The following EPS8 variants were observed in gnomAD, a reference collection of about 807,000 sequenced individuals.
EPS8 encodes EGFR pathway substrate 8, signaling adaptor, also known as epidermal growth factor receptor kinase substrate 8.
Under a neutral mutation model 103.8 loss-of-function variants are expected in EPS8, and 42 were observed. The observed-to-expected ratio is 0.40, with a 90% CI of 0.32 to 0.52. EPS8 has a LOEUF of 0.52. EPS8 is among the 20% of genes least tolerant of loss of function. The pLI is 0.40. For missense variants in EPS8, 969 were observed against 1,005.1 expected (o/e 0.96, Z 0.49); for synonymous variants, 344 against 344.6 (o/e 1.00, Z 0.02).
intron 3 of EPS8, 94 bp from the exon 4 acceptor site, chr12:15,671,017 T>C (rs1945806869): frequency 1.2e-6 from 1 of 835,474 alleles, no homozygotes; most frequent in Non-Finnish European, 2.0e-6. Flanking sequence ...CTAGTCTATC[T>C]CACATATAAA....
At position 15,665,809 on chromosome 12, in the gene EPS8, T is replaced by G. The variant is rs755206692; in HGVS notation, c.683A>C (p.Asp228Ala). 9 of 1,613,654 alleles carry G rather than the reference T, an allele frequency of 5.6e-6. No homozygotes were observed. In the South Asian group the frequency reaches 9.9e-5, roughly 18 times the overall value. The change falls in exon 8 of 21, where the codon GAT becomes GCT. Residue 228 changes from aspartate to alanine, a missense_variant. Transcript: ENST00000281172. ...CCAGGCTGCCACTCGACTTCTAACA[T>G]CCACCTGGGTGACGGTCCCAGGGGG... is the stretch of plus-strand genomic sequence containing the variant. ...PAPPGTVTQV[D>A]VRSRVAAWSA...
chr12:15,687,877 A>G lies in EPS8; in HGVS notation c.-21-4905T>C, dbSNP rs554315631. Among the ~76,000 whole-genome samples the G allele has an allele frequency of 2.6e-3, 396 of 152,338 alleles. 3 individuals are homozygous for G. The highest frequency in any genetic ancestry group is 9.2e-3 in the African/African-American group (383 of 41,582). On this transcript the variant is annotated intron_variant, in intron 1 of 20. Transcript: ENST00000281172. ...TTTTACTGACTTGGGAAACTATGCTAATTTTAAAAAGAATCACTTCTATTT... is the reference window on the plus strand; with the variant it reads ...TTTTACTGACTTGGGAAACTATGCTGATTTTAAAAAGAATCACTTCTATTT...
At chr12:15,635,237 G>A (rs1945114282) in intron 17 of EPS8, among the ~76,000 whole-genome samples, 1 of 152,032 alleles carries the variant, frequency 6.6e-6, no homozygotes, top group Admixed American at 6.6e-5. Flanking sequence ...TTATGTACAT[G>A]TGCATGTCAG....
At position 15,621,274 on chromosome 12, in the gene EPS8, G is replaced by A; in HGVS notation, c.*43C>T. Reference sequence around the variant, plus strand: ...AGGCTTCTTAAAACAAAGCATGTTGGAATAATGCCAAAAACAATGGAGTTT... The same window carrying A: ...AGGCTTCTTAAAACAAAGCATGTTGAAATAATGCCAAAAACAATGGAGTTT... On this transcript the variant is annotated 3_prime_UTR_variant, in exon 21 of 21. Transcript: ENST00000281172. 9.7e-7 allele frequency: 1 copy of A among 1,031,724 alleles called. No individual in the cohort carries two copies. Among genetic ancestry groups the A allele is most frequent in the Non-Finnish European group, 1.4e-6 (1 of 697,254 alleles). The allele number at this position is 1,031,724 out of a possible 1,614,324, so 63.9% of individuals were successfully genotyped here.
chr12:15,737,177 A>T (rs1243383495), intron 1 of EPS8, among the ~76,000 whole-genome samples: 2 of 152,108 alleles, frequency 1.3e-5, no homozygotes, highest in Non-Finnish European at 2.9e-5. Flanking sequence ...AAATACCACC[A>T]TAAATATCAA....
At chr12:15,662,452 T>A (rs1445923693) in intron 8 of EPS8, 1 of 1,008,630 alleles carries the variant, frequency 9.9e-7, no homozygotes, top group Non-Finnish European at 1.2e-6. Flanking sequence ...AGTCAAGCTT[T>A]TACTTCTCAA....
At position 15,701,123 on chromosome 12, in the gene EPS8, T is replaced by C. The variant is rs188615860; in HGVS notation, c.-21-18151A>G. ...TCTTTGGCTTCAAAATAGTCACTTT[T>C]TTAAAAGGTAATTCTTTTCTCTCTC... On this transcript the variant is annotated intron_variant, in intron 1 of 20. Coordinates refer to ENST00000281172, the MANE Select transcript of EPS8 (RefSeq NM_004447.6). This position sits in a 1 kb window ranked among gnomAD's most constrained non-coding sequence, Gnocchi z 5.1. Among the ~76,000 whole-genome samples the C allele has an allele frequency of 6.6e-6, 1 of 152,232 alleles. No homozygotes were observed. Among genetic ancestry groups the C allele is most frequent in the Admixed American group, 6.5e-5 (1 of 15,288 alleles).
At chr12:15,653,467 G>C (rs1276697913) in intron 13 of EPS8, among the ~76,000 whole-genome samples, 1 of 151,946 alleles carries the variant, frequency 6.6e-6, no homozygotes, top group Non-Finnish European at 1.5e-5. Flanking sequence ...TCTGCTACCC[G>C]AAGTCCATAT....
chr12:15,739,372 C>G (rs944810289), intron 1 of EPS8, among the ~76,000 whole-genome samples: 4 of 152,154 alleles, frequency 2.6e-5, no homozygotes, highest in African/African-American at 9.7e-5. Context: ...GCTGGTAAAA[C>G]ATTACTTCTG....
Position 15,780,904 on chromosome 12 carries a change from T to C in EPS8, c.-22+8257A>G, listed in dbSNP as rs1334571457. ...CCTTTTAAGTATTTATGTAAAAATA[T>C]GATAATAAGTGCTAATTTCATTCAG... On this transcript the variant is annotated intron_variant, in intron 1 of 20. Transcript: ENST00000281172. This position sits in a 1 kb window ranked among gnomAD's most constrained non-coding sequence, Gnocchi z 4.1. Among the ~76,000 whole-genome samples the C allele has an allele frequency of 2.0e-5, 3 of 152,210 alleles. No homozygotes were observed. The highest frequency in any genetic ancestry group is 2.9e-5 in the Non-Finnish European group (2 of 68,042).
Position 15,703,859 on chromosome 12 carries a change from T to G in EPS8, c.-21-20887A>C, listed in dbSNP as rs1421082937. 4.1e-5 allele frequency among the ~76,000 whole-genome samples: 6 copies of G among 146,348 alleles called. No homozygotes were observed. The South Asian group carries it at 6.5e-4, about 16-fold the overall frequency. On this transcript the variant is annotated intron_variant, in intron 1 of 20. Coordinates refer to ENST00000281172, the MANE Select transcript of EPS8 (RefSeq NM_004447.6). ...GCTCTATGTATTTGTTTTTTTTTTTTTTTTTTTTTTTGGAAAAACTTAGAC... is the reference window on the plus strand; with the variant it reads ...GCTCTATGTATTTGTTTTTTTTTTTGTTTTTTTTTTTGGAAAAACTTAGAC...
intron 3 of EPS8, 116 bp downstream of exon 3, chr12:15,681,110 T>C (rs1227827005): frequency 4.8e-6 from 2 of 417,126 alleles, no homozygotes; most frequent in East Asian, 4.0e-5. Flanking sequence ...TATTTAGCTA[T>C]CACTGCCTCA....
rs1945977939 is a variant in EPS8 at position 15,680,063 on chromosome 12, T to C, written c.136+1163A>G. On this transcript the variant is annotated intron_variant, in intron 3 of 20. Coordinates refer to ENST00000281172, the MANE Select transcript of EPS8 (RefSeq NM_004447.6). ...TCTACAATTCATAACTATTAGACCATGGTAATAATGTCACAATACTTAATA... is the reference window on the plus strand; with the variant it reads ...TCTACAATTCATAACTATTAGACCACGGTAATAATGTCACAATACTTAATA... 2.0e-5 allele frequency among the ~76,000 whole-genome samples: 3 copies of C among 152,318 alleles called. No homozygotes were observed. The South Asian group carries it at 6.2e-4, about 32-fold the overall frequency.
At chr12:15,712,849 C>T (rs1946484824) in intron 1 of EPS8, 2 of 984,724 alleles carry the variant, frequency 2.0e-6, no homozygotes, top group Middle Eastern at 5.2e-4. Context: ...TCAAACTTAC[C>T]TACCCACACA....
intron 18 of EPS8, among the ~76,000 whole-genome samples, chr12:15,631,061 C>T (rs1197614844): frequency 1.3e-5 from 2 of 152,158 alleles, no homozygotes; most frequent in African/African-American, 4.8e-5. Flanking sequence ...CACACTTATC[C>T]TATGAAGCAG....
chr12:15,626,627 CAA>C (rs771173535), intron 18 of EPS8, among the ~76,000 whole-genome samples: 6,688 of 61,046 alleles, frequency 0.11, 246 homozygotes, highest in African/African-American at 0.2. Flanking sequence ...GACTCCGTCT[CAA>C]AAAAAAAAAA....
chr12:15,753,793 C>T (rs1202350918), intron 1 of EPS8, among the ~76,000 whole-genome samples: 3 of 152,138 alleles, frequency 2.0e-5, no homozygotes, highest in Non-Finnish European at 2.9e-5. Flanking sequence ...TAAATAAATT[C>T]CACTCCTGAA....
At chr12:15,678,407 C>T (rs1945946098) in intron 3 of EPS8, among the ~76,000 whole-genome samples, 1 of 152,058 alleles carries the variant, frequency 6.6e-6, no homozygotes, top group Admixed American at 6.6e-5. Flanking sequence ...TACTTCTAAG[C>T]CCAATCCATT....
Position 15,688,081 on chromosome 12 carries a change from A to T in EPS8, c.-21-5109T>A, listed in dbSNP as rs182264980. 9.8e-5 allele frequency among the ~76,000 whole-genome samples: 15 copies of T among 152,352 alleles called. No homozygotes were observed. Among genetic ancestry groups the T allele is most frequent in the African/African-American group, 3.6e-4 (15 of 41,586 alleles). On this transcript the variant is annotated intron_variant, in intron 1 of 20. Transcript: ENST00000281172. The surrounding 1 kb of genome is among the most constrained non-coding windows in gnomAD (Gnocchi z 5.1). ...CTTAATAAAATCACATAGTACCATG[A>T]ATGACTGAAAAGTAATGTCTTATTT...
Sources: gnomAD v4.1 joint callset for allele counts (sites outside exome capture counted in the v4.1 genomes callset) on GRCh38, gnomAD v4.1.1 for gene constraint, Gnocchi (gnomAD v3.1) non-coding constraint, MANE v1.5 for transcripts, NCBI Gene and HGNC (gene_info 2026-07-23, HGNC 2026-07-21) for gene names.